CCNH: variants seen among roughly 807,000 people sequenced by gnomAD.
The protein encoded by CCNH is cyclin-H.
In CCNH, 31 loss-of-function variants were observed where a neutral mutation model predicts 41.9. The ratio of observed to expected loss-of-function variants is 0.74; its 90% CI spans 0.56 to 1.00. The LOEUF (loss-of-function observed/expected upper bound fraction) is 1.00, where lower values mean the gene tolerates loss of function less well. CCNH is among the 50% of genes least tolerant of loss of function. CCNH has a pLI of 0.00. For synonymous variants in CCNH, 138 were observed against 136.1 expected (o/e 1.01, Z -0.10); for missense variants, 362 against 388.4 (o/e 0.93, Z 0.57).
At chr5:87,346,788 A>G (rs1251031905) in intron 9 of CCNH, 7 of 1,276,476 alleles carry the variant, frequency 5.5e-6, no homozygotes, top group Admixed American at 3.5e-5. Flanking sequence ...TGAACAAACC[A>G]TTTATCATGT....
At chr5:87,315,011 G>C (rs1756214605), downstream of CCNH, among the ~76,000 whole-genome samples, 2 of 152,070 alleles carry the variant, frequency 1.3e-5, no homozygotes, top group African/African-American at 4.8e-5. Flanking sequence ...CATTATATTT[G>C]GGAGCTAGGC....
upstream of CCNH, among the ~76,000 whole-genome samples, chr5:87,381,817 C>T (rs1030443275): frequency 2.6e-5 from 4 of 152,092 alleles, no homozygotes; most frequent in Non-Finnish European, 5.9e-5. Flanking sequence ...TAAACTGTTT[C>T]GTGCAAGAGG....
intron 9 of CCNH, chr5:87,385,420 T>C (rs1761997410): frequency 1.4e-6 from 2 of 1,481,328 alleles, no homozygotes; most frequent in African/African-American, 1.4e-5. Flanking sequence ...TAAAATGTAA[T>C]TTATGAATGC....
downstream of CCNH, among the ~76,000 whole-genome samples, chr5:87,372,837 A>G (rs910809869): frequency 6.6e-6 from 1 of 152,188 alleles, no homozygotes; most frequent in Non-Finnish European, 1.5e-5. Context: ...TTACTAACCA[A>G]AGTGTCTCCT....
chr5:87,366,351 A>G (rs1363065144), intron 9 of CCNH: 8 of 433,292 alleles, frequency 1.8e-5, no homozygotes, highest in Non-Finnish European at 3.8e-5. Flanking sequence ...ATATGAACAG[A>G]TGCAGTTAGA....
At chr5:87,372,263 A>T (rs1761003895), downstream of CCNH, 2 of 1,430,644 alleles carry the variant, frequency 1.4e-6, no homozygotes, top group South Asian at 2.3e-5. Context: ...TTTTTATTTT[A>T]TTTTTATCTG....
At chr5:87,313,971 T>A (rs1756120767), downstream of CCNH, among the ~76,000 whole-genome samples, 1 of 151,806 alleles carries the variant, frequency 6.6e-6, no homozygotes, top group East Asian at 1.9e-4. Context: ...AGTTTGAGAC[T>A]ACCCTGACCA....
rs761557612 is a variant in CCNH at position 87,411,231 on chromosome 5, G to C, written c.233C>G (p.Ser78Cys). 1 of 1,611,526 alleles carries C rather than the reference G, an allele frequency of 6.2e-7. No individual in the cohort carries two copies. Among genetic ancestry groups the C allele is most frequent in the Non-Finnish European group, 8.5e-7 (1 of 1,178,986 alleles). Residue 78 changes from serine to cysteine, a missense_variant, in exon 2 of 9, where the codon TCT becomes TGT. Transcript: ENST00000256897. ...ATCACCACTGTAACTTACCACAACA[G>C]ATCTTGGCATTGCTGGCTTAAACAC... ...CSVFKPAMPR[S>C]VVGTACMYFK... is the part of the protein sequence containing the mutation.
At chr5:87,405,463 T>C (rs986919201) in intron 4 of CCNH, among the ~76,000 whole-genome samples, 1 of 152,210 alleles carries the variant, frequency 6.6e-6, no homozygotes, top group African/African-American at 2.4e-5. Flanking sequence ...CCAAGAGATG[T>C]GGAAGACCTC....
chr5:87,372,088 ATTTC>A, downstream of CCNH: 4 of 1,602,836 alleles, frequency 2.5e-6, no homozygotes, highest in Non-Finnish European at 3.4e-6. Flanking sequence ...ACTAGTGTAT[ATTTC>A]TTTGAAGTGC....
downstream of CCNH, among the ~76,000 whole-genome samples, chr5:87,387,305 C>T (rs932676168): frequency 5.3e-5 from 8 of 152,108 alleles, no homozygotes; most frequent in African/African-American, 1.9e-4. Flanking sequence ...AATAAGTAGA[C>T]TGAAAAGTCT....
chr5:87,362,723 G>C, intron 9 of CCNH: 2 of 1,566,256 alleles, frequency 1.3e-6, no homozygotes, highest in South Asian at 2.2e-5. Context: ...TTGTAAATAT[G>C]GAGCTCCGAA....
rs368654074 is a variant in CCNH, at chr5:87,399,446, T to C, written c.820A>G (p.Lys274Glu). ...PPRSEEVAVL[K>E]QKLERCHSAE... ...GAATGACATCGCTCCAACTTCTGTTTCAGAACAGCAACTTCTTCAGATCTG... is the reference window on the plus strand; with the variant it reads ...GAATGACATCGCTCCAACTTCTGTTCCAGAACAGCAACTTCTTCAGATCTG... Residue 274 changes from lysine (K) to glutamate (E), a missense_variant, in exon 7 of 9, where the codon AAA becomes GAA. By Grantham distance (56) the Lys-to-Glu change is moderately conservative (BLOSUM62 1). Transcript: ENST00000256897. The C allele has an allele frequency of 3.1e-5, 50 of 1,613,922 alleles. No individual in the cohort carries two copies. Among genetic ancestry groups the C allele is most frequent in the Non-Finnish European group, 4.1e-5 (48 of 1,179,926 alleles).
intron 9 of CCNH, among the ~76,000 whole-genome samples, chr5:87,353,765 C>T (rs1279840021): frequency 6.6e-6 from 1 of 151,900 alleles, no homozygotes; most frequent in Non-Finnish European, 1.5e-5. Context: ...CAGACAGGGT[C>T]CTAGACAAAA....
exon 1 of CCNH, chr5:87,376,670 C>T (rs1580386317): frequency 7.3e-7 from 1 of 1,376,510 alleles, no homozygotes; most frequent in Non-Finnish European, 1.0e-6. Flanking sequence ...AGCTTAGTAG[C>T]ACAATGATGC....
intron 9 of CCNH, among the ~76,000 whole-genome samples, chr5:87,332,850 C>T (rs1757695575): frequency 6.6e-6 from 1 of 151,392 alleles, no homozygotes; most frequent in African/African-American, 2.4e-5. Flanking sequence ...TTTAAGTAAC[C>T]AGATTAAAAG....
At chr5:87,320,994 G>C (rs544252064) in intron 9 of CCNH, among the ~76,000 whole-genome samples, 1 of 152,288 alleles carries the variant, frequency 6.6e-6, no homozygotes, top group African/African-American at 2.4e-5. Context: ...ATAGCAATTT[G>C]TACACTTCTG....
At position 87,360,124 on chromosome 5, in the gene CCNH, G is replaced by GTTT. The variant is rs755443447; in HGVS notation, c.*90+32643_*90+32645dup. 4.7e-4 allele frequency among the ~76,000 whole-genome samples: 63 copies of GTTT among 132,682 alleles called. No individual in the cohort carries two copies. The Middle Eastern group carries it at 0.011, about 24-fold the overall frequency. The allele number at this position is 132,682 out of a possible 152,430, so 87.0% of individuals were successfully genotyped here. A position where few individuals can be genotyped will look rare whatever the true frequency, so the allele number is the denominator to read the frequency against. ...CTTGTTTTTGTATTATCAAAATGCA[G>GTTT]TTTTTTTTTTTTTTTTTGAGATGGA... On this transcript the variant is annotated intron_variant and NMD_transcript_variant, in intron 9 of 9. Coordinates refer to the CCNH transcript ENST00000645953.
chr5:87,328,543 C>A (rs1177125726), intron 9 of CCNH, among the ~76,000 whole-genome samples: 1 of 152,086 alleles, frequency 6.6e-6, no homozygotes, highest in Non-Finnish European at 1.5e-5. Flanking sequence ...CCAAAGTGTT[C>A]ACTCTTGGGA....
Sources: allele counts gnomAD v4.1 joint callset (sites outside exome capture counted in the v4.1 genomes callset), GRCh38; gene constraint gnomAD v4.1.1; transcripts MANE v1.5; gene names NCBI Gene and HGNC (gene_info 2026-07-23, HGNC 2026-07-21).